Variants in PISD observed in about 807,000 individuals in gnomAD.
The protein encoded by PISD is phosphatidylserine decarboxylase proenzyme, mitochondrial.
Under a neutral mutation model 43.5 loss-of-function variants are expected in PISD, and 31 were observed. That is an observed-to-expected ratio of 0.71 (90% CI 0.54 to 0.96). PISD has a LOEUF of 0.96. Among genes scored for constraint, PISD ranks in the 40% least tolerant of loss-of-function variants. PISD has a pLI of 0.00. For synonymous variants in PISD, 259 were observed against 228.7 expected (o/e 1.13, Z -1.20); for missense variants, 523 against 548.4 (o/e 0.95, Z 0.46).
upstream of PISD, chr22:31,662,228 C>T (rs781760875): frequency 2.5e-6 from 4 of 1,600,790 alleles, no homozygotes; most frequent in African/African-American, 1.3e-5. Flanking sequence ...TCCTTCTCAG[C>T]GTGCCACGCC....
rs1321383430 is a variant in PISD, at chr22:31,619,205, G to A, written c.*407C>T. ...TCACCCTGTGCAGCAGGAGCGTTAA[G>A]GCCAAAAAACAAAAGGGGCCAACAG... On this transcript the variant is annotated 3_prime_UTR_variant, in exon 8 of 8. Transcript: ENST00000439502. 5 of 325,492 alleles carry A rather than the reference G, an allele frequency of 1.5e-5. No individual in the cohort carries two copies. Among genetic ancestry groups the A allele is most frequent in the Non-Finnish European group, 3.0e-5 (5 of 166,656 alleles). The allele number at this position is 325,492 out of a possible 1,614,324, so 20.2% of individuals were successfully genotyped here. A position where few individuals can be genotyped will look rare whatever the true frequency, so the allele number is the denominator to read the frequency against.
chr22:31,640,559 T>C (rs1601405866), intron 3 of PISD, among the ~76,000 whole-genome samples: 2 of 147,998 alleles, frequency 1.4e-5, no homozygotes, highest in Non-Finnish European at 1.5e-5. Context: ...AACATCCTTT[T>C]TGTTTCGGTT....
Position 31,630,103 on chromosome 22 carries a change from G to C in PISD, c.322-8218C>G. On this transcript the variant is annotated intron_variant, in intron 3 of 7. Transcript: ENST00000439502. The surrounding 1 kb of genome is among the most constrained non-coding windows in gnomAD (Gnocchi z 4.4). Reference sequence around the variant, plus strand: ...CTGCCTTCCCTGCATTCCTGAGCTAGAAGCAGGCAAACTTCCCAAGTAGGA... The same window carrying C: ...CTGCCTTCCCTGCATTCCTGAGCTACAAGCAGGCAAACTTCCCAAGTAGGA... 6.6e-6 allele frequency: 1 copy of C among 152,140 alleles called. No individual in the cohort carries two copies. Among genetic ancestry groups the C allele is most frequent in the East Asian group, 1.9e-4 (1 of 5,180 alleles). 9.4% of individuals were successfully genotyped at this position (152,140 alleles called of 1,614,324 possible). A position where few individuals can be genotyped will look rare whatever the true frequency, so the allele number is the denominator to read the frequency against.
chr22:31,626,864 C>T (rs954677386), intron 3 of PISD, among the ~76,000 whole-genome samples: 4 of 152,258 alleles, frequency 2.6e-5, no homozygotes, highest in Non-Finnish European at 5.9e-5. Flanking sequence ...CCCTCCAGTC[C>T]TTCACCCCCA....
At chr22:31,628,910 G>C in intron 3 of PISD, 1 of 985,346 alleles carries the variant, frequency 1.0e-6, no homozygotes, top group South Asian at 4.7e-5. Context: ...TCCACCACAG[G>C]AAAGATGAAA....
chr22:31,660,418 G>A (rs369109811), intron 1 of PISD, among the ~76,000 whole-genome samples: 8 of 152,156 alleles, frequency 5.3e-5, no homozygotes, highest in African/African-American at 1.7e-4. Flanking sequence ...TTAGAGAGGT[G>A]AAAGTGGGTG....
At chr22:31,623,949 AC>A in intron 3 of PISD, 1 of 1,155,282 alleles carries the variant, frequency 8.7e-7, no homozygotes, top group Non-Finnish European at 1.2e-6. Flanking sequence ...CCTCCTGTCT[AC>A]CCACCCTTGG....
At chr22:31,637,906 A>T (rs1166307050) in intron 3 of PISD, among the ~76,000 whole-genome samples, 3 of 152,216 alleles carry the variant, frequency 2.0e-5, no homozygotes, top group Non-Finnish European at 2.9e-5. Flanking sequence ...AATGTTTGTA[A>T]CCTAAACATT....
At chr22:31,623,298 G>A (rs767767833) in intron 3 of PISD, among the ~76,000 whole-genome samples, 3 of 152,196 alleles carry the variant, frequency 2.0e-5, no homozygotes, top group Non-Finnish European at 4.4e-5. Context: ...CACCCCTTTG[G>A]CATCCCGGAA....
upstream of PISD, chr22:31,662,247 A>G (rs533550027): frequency 8.3e-5 from 132 of 1,585,628 alleles, 2 homozygotes; most frequent in Admixed American, 2.2e-3. Flanking sequence ...CCCCCTTCAC[A>G]CGCTGGGCGC....
intron 2 of PISD, 25 bp downstream of exon 2, chr22:31,650,674 A>G (rs779100538): frequency 7.3e-7 from 1 of 1,367,946 alleles, no homozygotes; most frequent in South Asian, 1.3e-5. Context: ...AGAGAGGGTC[A>G]CCACCATCTC....
chr22:31,621,204 G>C (rs1342586111), intron 5 of PISD, 62 bp from the exon 6 acceptor site: 26 of 1,612,666 alleles, frequency 1.6e-5, no homozygotes, highest in Non-Finnish European at 2.0e-5. Flanking sequence ...CGGAGCCCGA[G>C]TGTGGTCTGC....
intron 3 of PISD, among the ~76,000 whole-genome samples, chr22:31,639,176 TTTTC>T (rs1226404756): frequency 2.0e-5 from 3 of 148,300 alleles, no homozygotes; most frequent in Non-Finnish European, 4.5e-5. Context: ...TTCTTTTCCT[TTTTC>T]TTTTTTTTTT....
At chr22:31,637,204 T>TATAC (rs1267117734) in intron 3 of PISD, among the ~76,000 whole-genome samples, 1 of 95,830 alleles carries the variant, frequency 1.0e-5, no homozygotes, top group African/African-American at 4.3e-5. Flanking sequence ...TATATATATA[T>TATAC]ATAGAAAAAT....
At chr22:31,658,096 G>A (rs995368021) in intron 1 of PISD, among the ~76,000 whole-genome samples, 24 of 152,202 alleles carry the variant, frequency 1.6e-4, no homozygotes, top group African/African-American at 5.3e-4. Flanking sequence ...TGTATACCTC[G>A]ATGAACACGG....
At chr22:31,627,017 C>T (rs973056587) in intron 3 of PISD, among the ~76,000 whole-genome samples, 15 of 152,230 alleles carry the variant, frequency 9.9e-5, no homozygotes, top group African/African-American at 3.6e-4. Flanking sequence ...TGTGGTCGCG[C>T]GTGGTTGAAC....
At chr22:31,639,175 T>A (rs1601401721) in intron 3 of PISD, among the ~76,000 whole-genome samples, 1 of 147,950 alleles carries the variant, frequency 6.8e-6, no homozygotes, top group Non-Finnish European at 1.5e-5. Flanking sequence ...TTTCTTTTCC[T>A]TTTTCTTTTT....
intron 1 of PISD, 81 bp downstream of exon 1, chr22:31,662,063 G>C: frequency 7.6e-7 from 1 of 1,319,074 alleles, no homozygotes; most frequent in South Asian, 1.2e-5. Flanking sequence ...GCGAGCCCGC[G>C]ACACAGAAAC....
intron 3 of PISD, chr22:31,632,241 G>T (rs1175913626): frequency 1.0e-6 from 1 of 985,120 alleles, no homozygotes. Flanking sequence ...TGCGGCAGGG[G>T]GAAGAAGACA....
Sources: allele counts gnomAD v4.1 joint callset (sites outside exome capture counted in the v4.1 genomes callset), GRCh38; gene constraint gnomAD v4.1.1; non-coding constraint Gnocchi (gnomAD v3.1); transcripts MANE v1.5; gene names NCBI Gene and HGNC (gene_info 2026-07-23, HGNC 2026-07-21).